PPP1R16B: variants seen among roughly 807,000 people sequenced by gnomAD.
PPP1R16B encodes protein phosphatase 1 regulatory inhibitor subunit 16B.
In PPP1R16B, 14 loss-of-function variants were observed where a neutral mutation model predicts 61.7. The ratio of observed to expected loss-of-function variants is 0.23; its 90% confidence interval spans 0.15 to 0.35. The LOEUF (loss-of-function observed/expected upper bound fraction) is 0.35, where lower values mean the gene tolerates loss of function less well. Ranked by LOEUF, PPP1R16B falls within the 10% of genes least tolerant of loss-of-function variation. The pLI is 1.00. For missense variants in PPP1R16B, 547 were observed against 752.5 expected, an observed-to-expected ratio of 0.73 and a Z score of 3.19; for synonymous variants, 266 against 305.3, an observed-to-expected ratio of 0.87 and a Z score of 1.34.
intron 1 of PPP1R16B, among the ~76,000 whole-genome samples, chr20:38,825,224 C>T (rs770454879): frequency 6.6e-6 from 1 of 152,148 alleles, no homozygotes; most frequent in Non-Finnish European, 1.5e-5. Flanking sequence ...GTGTCAGTGG[C>T]GACAGTGCCT....
chr20:38,851,854 C>A (rs1254705271), intron 2 of PPP1R16B, among the ~76,000 whole-genome samples: 2 of 152,118 alleles, frequency 1.3e-5, no homozygotes, highest in Non-Finnish European at 1.5e-5. Context: ...GACTGTATCT[C>A]TACCAAAAAC....
chr20:38,867,636 C>T (rs552114700), intron 2 of PPP1R16B, among the ~76,000 whole-genome samples: 1 of 152,284 alleles, frequency 6.6e-6, no homozygotes, highest in East Asian at 1.9e-4. Context: ...GTTAGCATTT[C>T]CAAAATGTGT....
chr20:38,809,269 T>C (rs2084683282), intron 1 of PPP1R16B, among the ~76,000 whole-genome samples: 1 of 152,066 alleles, frequency 6.6e-6, no homozygotes, highest in African/African-American at 2.4e-5. Flanking sequence ...GGCTCACTCC[T>C]GGGAACTTGA....
intron 1 of PPP1R16B, among the ~76,000 whole-genome samples, chr20:38,809,259 G>A (rs1414032767): frequency 6.6e-6 from 1 of 151,788 alleles, no homozygotes; most frequent in East Asian, 1.9e-4. Flanking sequence ...CGGGGGTGGG[G>A]GCTCACTCCT....
At chr20:38,831,109 A>G (rs534740541) in intron 1 of PPP1R16B, among the ~76,000 whole-genome samples, 1 of 152,354 alleles carries the variant, frequency 6.6e-6, no homozygotes, top group African/African-American at 2.4e-5. Flanking sequence ...GCCATTGACC[A>G]CGAGCACCTT....
chr20:38,848,307 G>GA (rs1246694621), intron 2 of PPP1R16B, among the ~76,000 whole-genome samples: 1 of 152,070 alleles, frequency 6.6e-6, no homozygotes, highest in Admixed American at 6.5e-5. Context: ...AGTACTAAAT[G>GA]AAAATCTGTC....
chr20:38,901,975 G>A (rs535765864), intron 5 of PPP1R16B, among the ~76,000 whole-genome samples: 13 of 152,350 alleles, frequency 8.5e-5, no homozygotes, highest in African/African-American at 2.9e-4. Context: ...AAAGAAATGT[G>A]TGATTTTATT....
intron 1 of PPP1R16B, among the ~76,000 whole-genome samples, chr20:38,816,519 T>C (rs1157092554): frequency 2.0e-5 from 3 of 152,150 alleles, no homozygotes; most frequent in African/African-American, 4.8e-5. Flanking sequence ...GACCTCCTTC[T>C]CAAAAAGAAT....
At chr20:38,811,589 G>T (rs1193273688) in intron 1 of PPP1R16B, among the ~76,000 whole-genome samples, 1 of 152,146 alleles carries the variant, frequency 6.6e-6, no homozygotes, top group African/African-American at 2.4e-5. Context: ...ACTTATAATT[G>T]TGATTATATG....
chr20:38,829,310 C>T (rs1347300125), intron 1 of PPP1R16B, among the ~76,000 whole-genome samples: 2 of 152,172 alleles, frequency 1.3e-5, no homozygotes, highest in Non-Finnish European at 2.9e-5. Context: ...ACCCTATTTC[C>T]CCTTGCTTCT....
intron 1 of PPP1R16B, among the ~76,000 whole-genome samples, chr20:38,828,534 C>T (rs1359230863): frequency 6.6e-6 from 1 of 152,198 alleles, no homozygotes; most frequent in Non-Finnish European, 1.5e-5. Context: ...AGTCCTGAGA[C>T]CCCTTACTTA....
At chr20:38,846,787 T>C (rs2084937980) in intron 2 of PPP1R16B, among the ~76,000 whole-genome samples, 1 of 152,166 alleles carries the variant, frequency 6.6e-6, no homozygotes. Flanking sequence ...GAAGATCACT[T>C]GAGCCCAGGA....
rs146305969 is a variant in PPP1R16B, at chr20:38,889,134, C to T, written c.251-461C>T. ...CACATGCTGGCCACTGTGCTGAGCC[C>T]CTGGCATGGCTCACCTCGATGACCA... On this transcript the variant is annotated intron_variant, in intron 2 of 10. Transcript: ENST00000299824. 3.2e-4 allele frequency among the ~76,000 whole-genome samples: 49 copies of T among 152,200 alleles called. No homozygotes were observed. In the East Asian group the frequency reaches 7.2e-3, roughly 22 times the overall value.
intron 4 of PPP1R16B, among the ~76,000 whole-genome samples, chr20:38,899,458 G>C (rs962880194): frequency 6.6e-6 from 1 of 152,212 alleles, no homozygotes; most frequent in African/African-American, 2.4e-5. Flanking sequence ...TTTCAGGAGG[G>C]CTGGAGTGAA....
chr20:38,870,390 G>T (rs1029283152), intron 2 of PPP1R16B, among the ~76,000 whole-genome samples: 1 of 152,176 alleles, frequency 6.6e-6, no homozygotes, highest in Non-Finnish European at 1.5e-5. Flanking sequence ...CTGACTAAAT[G>T]CTGTGAAGGA....
At chr20:38,871,785 G>A (rs576560911) in intron 2 of PPP1R16B, among the ~76,000 whole-genome samples, 7 of 152,258 alleles carry the variant, frequency 4.6e-5, no homozygotes, top group African/African-American at 1.4e-4. Flanking sequence ...GTGGGTGCAG[G>A]TGTGCCCATG....
intron 6 of PPP1R16B, among the ~76,000 whole-genome samples, chr20:38,905,658 CACCA>C (rs1323832319): frequency 2.0e-5 from 3 of 152,142 alleles, no homozygotes; most frequent in Non-Finnish European, 4.4e-5. Flanking sequence ...ATTTAAAAAT[CACCA>C]TATTGAACCT....
intron 1 of PPP1R16B, among the ~76,000 whole-genome samples, chr20:38,829,745 CTG>C (rs2084825514): frequency 6.6e-6 from 1 of 152,212 alleles, no homozygotes; most frequent in Non-Finnish European, 1.5e-5. Flanking sequence ...GGCCACCCCG[CTG>C]CTGTGTTTGC....
chr20:38,842,612 T>C (rs577379957), intron 2 of PPP1R16B, among the ~76,000 whole-genome samples: 1 of 152,286 alleles, frequency 6.6e-6, no homozygotes, highest in South Asian at 2.1e-4. Flanking sequence ...AGAAACCCAA[T>C]ATGTAAAACA....
Sources: allele counts gnomAD v4.1 joint callset (sites outside exome capture counted in the v4.1 genomes callset), GRCh38; gene constraint gnomAD v4.1.1; transcripts MANE v1.5; gene names NCBI Gene and HGNC (gene_info 2026-07-23, HGNC 2026-07-21).